Variants in TMTC4 observed in about 807,000 individuals in gnomAD.
TMTC4 encodes the protein transmembrane O-mannosyltransferase targeting cadherins 4, also known as protein O-mannosyl-transferase TMTC4.
TMTC4 carries 65 observed loss-of-function variants against 86.0 expected under a neutral mutation model. That is an observed-to-expected ratio of 0.76 (90% CI 0.62 to 0.93). The LOEUF (loss-of-function observed/expected upper bound fraction) is 0.93, where lower values mean the gene tolerates loss of function less well. TMTC4 is among the 40% of genes least tolerant of loss of function. The probability of loss-of-function intolerance (pLI) is 0.00; values close to 1 mark genes in which losing one functional copy is unlikely to be tolerated. For synonymous variants in TMTC4, 379 were observed against 382.5 expected, an observed-to-expected ratio of 0.99 and a Z score of 0.11; for missense variants, 866 against 948.1, an observed-to-expected ratio of 0.91 and a Z score of 1.14.
chr13:100,623,327 G>A (rs1566577021), intron 15 of TMTC4, among the ~76,000 whole-genome samples: 1 of 152,214 alleles, frequency 6.6e-6, no homozygotes, highest in Non-Finnish European at 1.5e-5. Flanking sequence ...CTGCTTCCCA[G>A]GTTCAAGTGA....
intron 7 of TMTC4, among the ~76,000 whole-genome samples, chr13:100,641,433 G>A (rs1594314675): frequency 6.6e-6 from 1 of 152,132 alleles, no homozygotes; most frequent in African/African-American, 2.4e-5. Context: ...GTGTGTGCAC[G>A]TGAGGCTTTG....
At chr13:100,653,131 ACC>A (rs1262598559) in intron 6 of TMTC4, among the ~76,000 whole-genome samples, 2 of 152,216 alleles carry the variant, frequency 1.3e-5, no homozygotes, top group African/African-American at 4.8e-5. Context: ...ACTCTTAAGT[ACC>A]CTACGAACTG....
chr13:100,646,019 T>A (rs769888576), intron 6 of TMTC4, among the ~76,000 whole-genome samples: 1 of 152,086 alleles, frequency 6.6e-6, no homozygotes, highest in African/African-American at 2.4e-5. Flanking sequence ...TTGAGAACCA[T>A]TGCCCTAAAC....
intron 6 of TMTC4, among the ~76,000 whole-genome samples, chr13:100,653,642 G>C (rs1419653734): frequency 6.6e-6 from 1 of 152,178 alleles, no homozygotes; most frequent in Non-Finnish European, 1.5e-5. Context: ...ATGGAATTGA[G>C]GCAGAATTCA....
At chr13:100,611,674 T>A (rs553906837) in intron 17 of TMTC4, among the ~76,000 whole-genome samples, 105 of 152,328 alleles carry the variant, frequency 6.9e-4, no homozygotes, top group African/African-American at 2.5e-3. Context: ...CTGGGGAGAA[T>A]CTGGGCATCT....
At chr13:100,612,647 C>G in intron 16 of TMTC4, 137 bp from the exon 17 acceptor site, 1 of 477,478 alleles carries the variant, frequency 2.1e-6, no homozygotes, top group Non-Finnish European at 3.7e-6. Flanking sequence ...CTGTGTAGAT[C>G]ATGTAATACA....
chr13:100,637,932 C>T lies in TMTC4; in HGVS notation c.832G>A (p.Glu278Lys). ...TGGAGATAAAAGTACAGACTCACCTCTAATGACTTGTCCTTATGTAGTACC... is the reference window on the plus strand; with the variant it reads ...TGGAGATAAAAGTACAGACTCACCTTTAATGACTTGTCCTTATGTAGTACC... ...QKVLHKDKSL[E>K]NLGMLRNGGL... The change falls in exon 8 of 19, where the codon GAG (glutamate) becomes AAG (lysine). Residue 278 changes from glutamate (E) to lysine (K), a missense_variant and splice_region_variant. Coordinates refer to ENST00000342624, the MANE Select transcript of TMTC4 (RefSeq NM_032813.5). The T allele has an allele frequency of 4.3e-6, 7 of 1,611,560 alleles. No individual in the cohort carries two copies. The highest frequency in any genetic ancestry group is 5.9e-6 in the Non-Finnish European group (7 of 1,178,678).
rs1886704003 is a variant in TMTC4, at chr13:100,668,737, CCATTCTGAA to C, written c.52_60del (p.Phe18_Met20del). ...TGATCCAAATCAGTGTCCAACACGG[CCATTCTGAA>C]AACTGCAGGTTGGTGGCTCCCGGCT... On this transcript the variant is annotated inframe_deletion, in exon 3 of 19. Transcript: ENST00000342624. 6 of 1,614,122 alleles carry C rather than the reference CCATTCTGAA, an allele frequency of 3.7e-6. No individual in the cohort carries two copies. The African/African-American group carries it at 8.0e-5, about 22-fold the overall frequency.
chr13:100,608,529 G>A (rs1017410450), intron 17 of TMTC4, among the ~76,000 whole-genome samples: 20 of 152,204 alleles, frequency 1.3e-4, no homozygotes, highest in African/African-American at 4.3e-4. Flanking sequence ...TGGGTGGGTC[G>A]GCCTGGCTCT....
intron 3 of TMTC4, among the ~76,000 whole-genome samples, chr13:100,665,190 C>T (rs1361861440): frequency 6.6e-6 from 1 of 152,102 alleles, no homozygotes; most frequent in East Asian, 1.9e-4. Context: ...CATTGTTTTA[C>T]ATTCAAAAGA....
At chr13:100,645,669 C>A (rs1883636516) in intron 6 of TMTC4, among the ~76,000 whole-genome samples, 2 of 152,120 alleles carry the variant, frequency 1.3e-5, no homozygotes, top group South Asian at 4.1e-4. Flanking sequence ...TCACTGACTG[C>A]CCCCGTAGAT....
chr13:100,605,044 A>G lies in TMTC4; in HGVS notation c.2233T>C (p.Tyr745His), dbSNP rs1660611075. 1 of 1,614,114 alleles carries G rather than the reference A, an allele frequency of 6.2e-7. No homozygotes were observed. The highest frequency in any genetic ancestry group is 8.5e-7 in the Non-Finnish European group (1 of 1,180,004). Residue 745 changes from tyrosine to histidine, a missense_variant, in exon 19 of 19, where the codon TAC becomes CAC. Physicochemically the swap from Tyr to His is moderately conservative, Grantham distance 83 (BLOSUM62 2). Transcript: ENST00000342624. The surrounding 1 kb of genome is among the most constrained non-coding windows in gnomAD (Gnocchi z 4.3). The stretch of plus-strand genomic sequence containing the variant: ...TCTAGCTTTCTTCTCAGCAGACCGT[A>G]ATTCTCCTTAGTTCCTGATGCCGTG... ...DPTASGTKENYGLLRRKLELM... is the reference protein window; with the variant it reads ...DPTASGTKENHGLLRRKLELM...
chr13:100,640,099 T>C (rs748555310), intron 7 of TMTC4, among the ~76,000 whole-genome samples: 5 of 152,146 alleles, frequency 3.3e-5, no homozygotes, highest in Non-Finnish European at 7.4e-5. Context: ...CAGATATTGC[T>C]GATGCTCCTG....
intron 12 of TMTC4, among the ~76,000 whole-genome samples, chr13:100,633,055 G>A (rs754808010): frequency 8.5e-5 from 13 of 152,310 alleles, no homozygotes; most frequent in East Asian, 7.7e-4. Context: ...GCTCATGCCT[G>A]TAATCCCAGC....
chr13:100,662,965 C>T lies in TMTC4; in HGVS notation c.551G>A (p.Cys184Tyr), dbSNP rs746346560. 3 of 1,613,668 alleles carry T rather than the reference C, an allele frequency of 1.9e-6. No homozygotes were observed. Among genetic ancestry groups the T allele is most frequent in the Admixed American group, 3.3e-5 (2 of 59,942 alleles). The change falls in exon 5 of 19, where the codon TGT becomes TAT. Residue 184 changes from cysteine to tyrosine, a missense_variant and splice_region_variant. Coordinates refer to ENST00000342624, the MANE Select transcript of TMTC4 (RefSeq NM_032813.5). ...LFAVHPVHTE[C>Y]VAGVVGRADL... is the part of the protein sequence containing the mutation. ...ATGCCTCGGGCAGACGACACTTACA[C>T]ACTCGGTGTGCACAGGATGGACAGC...
chr13:100,643,562 A>C (rs1385911279), intron 6 of TMTC4, among the ~76,000 whole-genome samples: 1 of 152,254 alleles, frequency 6.6e-6, no homozygotes, highest in African/African-American at 2.4e-5. Flanking sequence ...TAAGAAATTG[A>C]CTAGTTTCTG....
At chr13:100,671,196 G>A (rs1464683626) in intron 1 of TMTC4, among the ~76,000 whole-genome samples, 3 of 152,132 alleles carry the variant, frequency 2.0e-5, no homozygotes, top group African/African-American at 4.8e-5. Flanking sequence ...ATGGCGTCTT[G>A]CTATGTTGCC....
intron 7 of TMTC4, among the ~76,000 whole-genome samples, chr13:100,639,236 C>T (rs1360910978): frequency 6.6e-6 from 1 of 152,280 alleles, no homozygotes; most frequent in South Asian, 2.1e-4. Context: ...GATGACATCC[C>T]TACTTAACCC....
chr13:100,626,750 A>G (rs1000319670), intron 12 of TMTC4, among the ~76,000 whole-genome samples: 4 of 152,180 alleles, frequency 2.6e-5, no homozygotes, highest in Admixed American at 6.5e-5. Flanking sequence ...CATTTAAGCA[A>G]ATATGGCCCT....
Sources: allele counts gnomAD v4.1 joint callset (sites outside exome capture counted in the v4.1 genomes callset), GRCh38; gene constraint gnomAD v4.1.1; non-coding constraint Gnocchi (gnomAD v3.1); transcripts MANE v1.5; gene names NCBI Gene and HGNC (gene_info 2026-07-23, HGNC 2026-07-21).